THSD7B: variants seen among roughly 807,000 people sequenced by gnomAD.
THSD7B encodes the protein thrombospondin type-1 domain-containing protein 7B.
In THSD7B, 138 loss-of-function variants were observed where a neutral mutation model predicts 213.6. The ratio of observed to expected loss-of-function variants is 0.65; its 90% CI spans 0.56 to 0.74. The LOEUF is 0.74. Ranked by LOEUF, THSD7B falls within the 30% of genes least tolerant of loss-of-function variation. The pLI, the probability that THSD7B is intolerant of heterozygous loss-of-function variation, is 0.00. For missense variants in THSD7B, 1,931 were observed against 1,991.5 expected, an observed-to-expected ratio of 0.97 and a Z score of 0.58; for synonymous variants, 742 against 687.0, an observed-to-expected ratio of 1.08 and a Z score of -1.25.
rs765415994 is a variant in THSD7B, at chr2:137,272,667, G to A, written c.2396+5G>A. ...TTCCTTGTGTCCTGTATATCGGCAA[G>A]TAGTTACCTTTTAAAATTATCGTTA... On this transcript the variant is annotated splice_donor_5th_base_variant and intron_variant, in intron 11 of 27. Coordinates refer to ENST00000409968, the MANE Select transcript of THSD7B (RefSeq NM_001316349.2). 7 of 1,610,160 alleles carry A rather than the reference G, an allele frequency of 4.3e-6. No individual in the cohort carries two copies. The South Asian group carries it at 7.7e-5, about 18-fold the overall frequency.
chr2:137,308,237 T>C (rs536025344), intron 12 of THSD7B, among the ~76,000 whole-genome samples: 11 of 151,990 alleles, frequency 7.2e-5, no homozygotes, highest in Non-Finnish European at 1.5e-4. Flanking sequence ...CTATTTGAGG[T>C]CCAAGCAGAA....
intron 17 of THSD7B, among the ~76,000 whole-genome samples, chr2:137,588,501 C>A (rs1469245540): frequency 6.9e-6 from 1 of 143,990 alleles, no homozygotes; most frequent in African/African-American, 2.6e-5. Flanking sequence ...TTTTCAATTT[C>A]TCCATTTTAT....
intron 1 of THSD7B, among the ~76,000 whole-genome samples, chr2:136,773,083 A>G (rs1055672639): frequency 2.0e-5 from 3 of 152,062 alleles, no homozygotes; most frequent in African/African-American, 7.2e-5. Context: ...TAAAAGTGTG[A>G]TCGGCTGTCT....
chr2:137,288,469 G>T (rs1173372911), intron 12 of THSD7B, among the ~76,000 whole-genome samples: 1 of 152,080 alleles, frequency 6.6e-6, no homozygotes. Context: ...AAAGCAGGGG[G>T]TTTTTGAAGA....
chr2:137,088,609 A>T (rs1477855004), intron 3 of THSD7B, among the ~76,000 whole-genome samples: 1 of 9,810 alleles, frequency 1.0e-4, no homozygotes, highest in African/African-American at 1.3e-4. Flanking sequence ...CAAATGCAAT[A>T]AAAAAAAAAA....
At chr2:137,059,726 C>G (rs1687235456) in intron 3 of THSD7B, among the ~76,000 whole-genome samples, 1 of 152,138 alleles carries the variant, frequency 6.6e-6, no homozygotes, top group Non-Finnish European at 1.5e-5. Flanking sequence ...TTCTTTTTAT[C>G]ACTGAATAAT....
intron 3 of THSD7B, among the ~76,000 whole-genome samples, chr2:137,064,950 GT>G (rs796699254): frequency 1.4e-4 from 20 of 147,548 alleles, no homozygotes; most frequent in East Asian, 2.0e-4. Context: ...GATTCCTCCA[GT>G]TTTTTTTTTG....
At chr2:137,445,668 T>C (rs1199637473) in intron 14 of THSD7B, among the ~76,000 whole-genome samples, 1 of 151,798 alleles carries the variant, frequency 6.6e-6, no homozygotes, top group Non-Finnish European at 1.5e-5. Flanking sequence ...AAAATACAGT[T>C]AGATAGAAAG....
At chr2:137,252,782 A>T (rs867450750) in intron 10 of THSD7B, among the ~76,000 whole-genome samples, 1 of 152,128 alleles carries the variant, frequency 6.6e-6, no homozygotes, top group African/African-American at 2.4e-5. Context: ...GGCCTTTCCA[A>T]CTGGTTCAAG....
At chr2:137,012,009 A>C (rs1310325926) in intron 2 of THSD7B, among the ~76,000 whole-genome samples, 1 of 152,218 alleles carries the variant, frequency 6.6e-6, no homozygotes, top group African/African-American at 2.4e-5. Flanking sequence ...ACACTCATTA[A>C]GTAATGGGTT....
Position 137,095,055 on chromosome 2 carries a change from A to G in THSD7B, c.1133A>G (p.Glu378Gly). ...VKHMAIGGGK[E>G]CPELLEKEAC... ...CACATGGCTATTGGAGGTGGAAAGG[A>G]GTGTCCTGAACTTCTTGAGAAAGAG... The change falls in exon 4 of 28, where the codon GAG becomes GGG. Residue 378 changes from glutamate (E) to glycine (G), a missense_variant. Transcript: ENST00000409968. The G allele has an allele frequency of 6.2e-7, 1 of 1,613,868 alleles. No individual in the cohort carries two copies. Among genetic ancestry groups the G allele is most frequent in the South Asian group, 1.1e-5 (1 of 91,086 alleles).
chr2:137,542,559 C>T (rs750115903), intron 15 of THSD7B, among the ~76,000 whole-genome samples: 1 of 151,610 alleles, frequency 6.6e-6, no homozygotes, highest in Non-Finnish European at 1.5e-5. Flanking sequence ...ACCTAAGTAT[C>T]GAACACTCTA....
At chr2:137,272,503 CTA>C in intron 10 of THSD7B, 28 bp from the exon 11 acceptor site, 1 of 1,581,892 alleles carries the variant, frequency 6.3e-7, no homozygotes, top group Non-Finnish European at 8.6e-7. Flanking sequence ...TAAAAGGGCA[CTA>C]TATAATTTTC....
intron 1 of THSD7B, among the ~76,000 whole-genome samples, chr2:136,868,912 A>G (rs1302386181): frequency 6.6e-6 from 1 of 152,130 alleles, no homozygotes; most frequent in Non-Finnish European, 1.5e-5. Context: ...ACAGAAGGTA[A>G]TTGTGTCAAT....
intron 12 of THSD7B, among the ~76,000 whole-genome samples, chr2:137,353,272 A>T (rs1189842792): frequency 6.6e-6 from 1 of 152,086 alleles, no homozygotes; most frequent in African/African-American, 2.4e-5. Context: ...AGAAATAGAT[A>T]ACCTCATCTG....
At chr2:137,128,825 G>A (rs547610286) in intron 5 of THSD7B, among the ~76,000 whole-genome samples, 3 of 152,218 alleles carry the variant, frequency 2.0e-5, no homozygotes, top group Admixed American at 1.3e-4. Context: ...TAAATTTAGC[G>A]ACTATTCAAG....
At chr2:137,442,089 G>A (rs1639558168) in intron 14 of THSD7B, among the ~76,000 whole-genome samples, 1 of 151,866 alleles carries the variant, frequency 6.6e-6, no homozygotes, top group Non-Finnish European at 1.5e-5. Flanking sequence ...TTTCATACAA[G>A]GAAATTGAAC....
chr2:136,911,073 A>G (rs1684250396), intron 2 of THSD7B, among the ~76,000 whole-genome samples: 1 of 152,216 alleles, frequency 6.6e-6, no homozygotes, highest in Non-Finnish European at 1.5e-5. Context: ...TTGTTCGGTA[A>G]CTAATACATA....
intron 13 of THSD7B, among the ~76,000 whole-genome samples, chr2:137,410,167 C>T (rs77305248): frequency 0.037 from 5,643 of 152,244 alleles, 146 homozygotes; most frequent in Non-Finnish European, 0.052. Context: ...CTGTGCTTTT[C>T]AAACTTATTC....
Sources: allele counts gnomAD v4.1 joint callset (sites outside exome capture counted in the v4.1 genomes callset), GRCh38; gene constraint gnomAD v4.1.1; transcripts MANE v1.5; gene names NCBI Gene and HGNC (gene_info 2026-07-23, HGNC 2026-07-21).